The following TBCD variants were observed in gnomAD, a reference collection of about 807,000 sequenced individuals.
TBCD encodes the protein tubulin-specific chaperone D.
In TBCD, 105 loss-of-function variants were observed where a neutral mutation model predicts 169.3. That is an observed-to-expected ratio of 0.62 (90% CI 0.53 to 0.73). The LOEUF is 0.73. Among genes scored for constraint, TBCD ranks in the 30% least tolerant of loss-of-function variants. The pLI, the probability that TBCD is intolerant of heterozygous loss-of-function variation, is 0.00. For synonymous variants in TBCD, 700 were observed against 643.9 expected (o/e 1.09, Z -1.32); for missense variants, 1,444 against 1,600.1 (o/e 0.90, Z 1.66).
intron 13 of TBCD, among the ~76,000 whole-genome samples, chr17:82,848,169 G>A (rs1179167426): frequency 6.6e-6 from 1 of 152,156 alleles, no homozygotes; most frequent in Non-Finnish European, 1.5e-5. Flanking sequence ...CACAGTCCCC[G>A]GCTCCTCCCT....
chr17:82,814,952 G>A lies in TBCD; in HGVS notation c.1318+18G>A, dbSNP rs193151545. ...CGTGGATGGTGAGTAGCTGAGGCACGGTCAGGGGGGATGTCTGGCGCTGGC... is the reference window on the plus strand; with the variant it reads ...CGTGGATGGTGAGTAGCTGAGGCACAGTCAGGGGGGATGTCTGGCGCTGGC... On this transcript the variant is annotated intron_variant, in intron 13 of 38. Coordinates refer to ENST00000355528, the MANE Select transcript of TBCD (RefSeq NM_005993.5). 1.6e-5 allele frequency: 25 copies of A among 1,606,638 alleles called. No individual in the cohort carries two copies. The highest frequency in any genetic ancestry group is 2.0e-5 in the Non-Finnish European group (23 of 1,177,768).
rs191317898 is a variant in TBCD at position 82,803,073 on chromosome 17, C to T, written c.950+2077C>T. On this transcript the variant is annotated intron_variant, in intron 9 of 38. Transcript: ENST00000355528. ...ATTTTTATCTCCTCGGTTGGATTTTCGTTGTCTCTGTTAGTACCGTTCTCT... is the reference window on the plus strand; with the variant it reads ...ATTTTTATCTCCTCGGTTGGATTTTTGTTGTCTCTGTTAGTACCGTTCTCT... 3.1e-3 allele frequency among the ~76,000 whole-genome samples: 478 copies of T among 152,266 alleles called. 3 individuals are homozygous for T. The highest frequency in any genetic ancestry group is 0.011 in the African/African-American group (453 of 41,552).
chr17:82,815,169 G>C lies in TBCD; in HGVS notation c.1318+235G>C, dbSNP rs566937101. On this transcript the variant is annotated intron_variant, in intron 13 of 38. Transcript: ENST00000355528. ...AACAAGGTCTGTCTACCTTTTTCTC[G>C]CATTGGCCTTTGTAATTTCCTAATT... 2.0e-5 allele frequency among the ~76,000 whole-genome samples: 3 copies of C among 152,324 alleles called. No homozygotes were observed. The East Asian group carries it at 5.8e-4, about 29-fold the overall frequency.
chr17:82,794,262 GGAA>G (rs2049949412), intron 7 of TBCD, among the ~76,000 whole-genome samples: 1 of 152,264 alleles, frequency 6.6e-6, no homozygotes, highest in South Asian at 2.1e-4. Flanking sequence ...CCCAGGGGGG[GGAA>G]GCTGGCTCGC....
chr17:82,849,289 G>A (rs568849855), intron 13 of TBCD, among the ~76,000 whole-genome samples: 17 of 149,820 alleles, frequency 1.1e-4, no homozygotes, highest in South Asian at 8.4e-4. Flanking sequence ...TGCCTGCTGC[G>A]TCTTCTCCAC....
intron 13 of TBCD, among the ~76,000 whole-genome samples, chr17:82,851,767 C>T (rs969814119): frequency 1.3e-5 from 2 of 152,246 alleles, no homozygotes; most frequent in African/African-American, 2.4e-5. Context: ...GAGCCTTACA[C>T]ACGGAAGGGA....
chr17:82,850,056 G>GGCTGTGCTGT (rs1453216639), intron 13 of TBCD, among the ~76,000 whole-genome samples: 1 of 44,498 alleles, frequency 2.2e-5, no homozygotes, highest in African/African-American at 7.6e-5. Flanking sequence ...TGCTGTTGTT[G>GGCTGTGCTGT]GCTGTGCTGC....
At position 82,752,328 on chromosome 17, in the gene TBCD, G is replaced by C; in HGVS notation, c.135G>C (p.Glu45Asp). 1 of 1,438,376 alleles carries C rather than the reference G, an allele frequency of 7.0e-7. No homozygotes were observed. The highest frequency in any genetic ancestry group is 9.0e-7 in the Non-Finnish European group (1 of 1,107,792). The allele number at this position is 1,438,376 out of a possible 1,614,324, so 89.1% of individuals were successfully genotyped here. Residue 45 changes from glutamate (E) to aspartate (D), a missense_variant, in exon 1 of 39, where the codon GAG becomes GAC. Physicochemically the swap from Glu to Asp is conservative, Grantham distance 45. Coordinates refer to ENST00000355528, the MANE Select transcript of TBCD (RefSeq NM_005993.5). ...GGGCGCTGCTGGGCCGCCTGCGGGA[G>C]GTGCACGGCGGCGGCGCGGAGCGCG... ...ETRALLGRLR[E>D]VHGGGAEREV...
intron 13 of TBCD, among the ~76,000 whole-genome samples, chr17:82,842,524 C>G (rs2054606635): frequency 6.6e-6 from 1 of 152,174 alleles, no homozygotes; most frequent in African/African-American, 2.4e-5. Context: ...TTGCCTGCCT[C>G]TCTCTTGCAC....
chr17:82,904,958 G>A (rs985047317), intron 19 of TBCD, among the ~76,000 whole-genome samples: 21 of 152,256 alleles, frequency 1.4e-4, no homozygotes, highest in African/African-American at 4.6e-4. Context: ...TCGAAAATCC[G>A]ATCACCCCCA....
At chr17:82,884,000 G>T in intron 14 of TBCD, 145 bp from the exon 15 acceptor site, 1 of 704,172 alleles carries the variant, frequency 1.4e-6, no homozygotes, top group South Asian at 1.7e-5. Context: ...CAGTCCCTGG[G>T]TGCCTCAAGC....
chr17:82,883,685 C>G (rs1218455393), intron 14 of TBCD, among the ~76,000 whole-genome samples: 1 of 152,230 alleles, frequency 6.6e-6, no homozygotes, highest in Non-Finnish European at 1.5e-5. Context: ...GTCTGCAGGA[C>G]CTGGACAGCC....
At position 82,831,247 on chromosome 17, in the gene TBCD, C is replaced by A; in HGVS notation, c.1318+16313C>A. 1 of 1,613,850 alleles carries A rather than the reference C, an allele frequency of 6.2e-7. No homozygotes were observed. ...GGAGCCCGTGGCTGCACTCCCTGCGCGGGGGCTCATTTTGGACCCTTCCGT... is the reference window on the plus strand; with the variant it reads ...GGAGCCCGTGGCTGCACTCCCTGCGAGGGGGCTCATTTTGGACCCTTCCGT... On this transcript the variant is annotated intron_variant, in intron 13 of 38. Coordinates refer to ENST00000355528, the MANE Select transcript of TBCD (RefSeq NM_005993.5). The surrounding 1 kb of genome is among the most constrained non-coding windows in gnomAD (Gnocchi z 4.6).
At chr17:82,927,589 A>T (rs115553934) in intron 29 of TBCD, among the ~76,000 whole-genome samples, 2 of 152,166 alleles carry the variant, frequency 1.3e-5, no homozygotes, top group Non-Finnish European at 2.9e-5. Context: ...CGCGTCTTCA[A>T]TGAAAGGCTG....
At chr17:82,811,192 C>T (rs2051412553) in intron 12 of TBCD, among the ~76,000 whole-genome samples, 1 of 152,170 alleles carries the variant, frequency 6.6e-6, no homozygotes, top group Non-Finnish European at 1.5e-5. Context: ...CCTGGTGCCA[C>T]CTGCGGCCTT....
chr17:82,878,695 T>C (rs1490067346), intron 14 of TBCD, among the ~76,000 whole-genome samples: 1 of 152,210 alleles, frequency 6.6e-6, no homozygotes, highest in Non-Finnish European at 1.5e-5. Context: ...AGTGTTCTTG[T>C]GGGGTACTCG....
At chr17:82,909,258 A>T in intron 21 of TBCD, 27 bp from the exon 22 acceptor site, 1 of 1,475,526 alleles carries the variant, frequency 6.8e-7, no homozygotes, top group Non-Finnish European at 9.2e-7. Context: ...TTAAATCATT[A>T]AATAACTTTC....
chr17:82,780,257 G>C (rs548256773), intron 6 of TBCD, among the ~76,000 whole-genome samples: 10 of 152,116 alleles, frequency 6.6e-5, no homozygotes, highest in Non-Finnish European at 1.2e-4. Context: ...CGTGGCTTCC[G>C]TCCTCTCTCT....
At chr17:82,829,032 C>T (rs1234872743) in intron 13 of TBCD, among the ~76,000 whole-genome samples, 6 of 134,116 alleles carry the variant, frequency 4.5e-5, no homozygotes, top group Non-Finnish European at 8.0e-5. Flanking sequence ...TATGCACACA[C>T]GCACACCCAC....
Sources: allele counts gnomAD v4.1 joint callset (sites outside exome capture counted in the v4.1 genomes callset), GRCh38; gene constraint gnomAD v4.1.1; non-coding constraint Gnocchi (gnomAD v3.1); transcripts MANE v1.5; gene names NCBI Gene and HGNC (gene_info 2026-07-23, HGNC 2026-07-21).